SGCZ: variants seen among roughly 807,000 people sequenced by gnomAD.
SGCZ encodes sarcoglycan zeta.
Under a neutral mutation model 41.3 loss-of-function variants are expected in SGCZ, and 40 were observed. That is an observed-to-expected ratio of 0.97 (90% CI 0.75 to 1.26). The LOEUF is 1.26. SGCZ is among the 50% of genes most tolerant of loss of function. The pLI is 0.00. For missense variants in SGCZ, 552 were observed against 369.8 expected (o/e 1.49, Z -4.04); for synonymous variants, 206 against 137.5 (o/e 1.50, Z -3.49).
At chr8:14,389,919 G>A (rs762279050) in intron 2 of SGCZ, among the ~76,000 whole-genome samples, 2 of 151,946 alleles carry the variant, frequency 1.3e-5, no homozygotes, top group African/African-American at 2.4e-5. Flanking sequence ...ACTTCTCACA[G>A]TATGAAGTAA....
intron 1 of SGCZ, among the ~76,000 whole-genome samples, chr8:14,785,338 A>G (rs1183548047): frequency 6.6e-6 from 1 of 152,158 alleles, no homozygotes; most frequent in Non-Finnish European, 1.5e-5. Context: ...TAGCTAAAGA[A>G]TGTGAAATAT....
intron 1 of SGCZ, among the ~76,000 whole-genome samples, chr8:14,715,085 A>G (rs1035818500): frequency 2.0e-5 from 3 of 152,200 alleles, no homozygotes; most frequent in African/African-American, 7.2e-5. Context: ...CAAAAACAAA[A>G]CAAAAAGGGA....
chr8:14,222,342 G>C (rs879385814), intron 4 of SGCZ, among the ~76,000 whole-genome samples: 2 of 151,800 alleles, frequency 1.3e-5, no homozygotes, highest in African/African-American at 2.4e-5. Context: ...ACTAATTTTT[G>C]TATTTTTAGT....
chr8:14,567,677 T>C (rs1210621404), intron 1 of SGCZ, among the ~76,000 whole-genome samples: 1 of 152,150 alleles, frequency 6.6e-6, no homozygotes, highest in Non-Finnish European at 1.5e-5. Flanking sequence ...TTGCAATAAG[T>C]CTTGATACTG....
Position 14,089,592 on chromosome 8 carries a change from T to C in SGCZ, c.*851A>G, listed in dbSNP as rs1317278228. 6.6e-6 allele frequency among the ~76,000 whole-genome samples: 1 copy of C among 152,060 alleles called. No individual in the cohort carries two copies. Among genetic ancestry groups the C allele is most frequent in the Non-Finnish European group, 1.5e-5 (1 of 67,988 alleles). The stretch of plus-strand genomic sequence containing the variant: ...GCATGTGAATTTTTTAAAAATCATC[T>C]ATGGATTTAATACCATCAACATATC... On this transcript the variant is annotated 3_prime_UTR_variant, in exon 8 of 8. Transcript: ENST00000382080.
intron 1 of SGCZ, among the ~76,000 whole-genome samples, chr8:14,907,831 A>G (rs1289114750): frequency 6.6e-6 from 1 of 152,206 alleles, no homozygotes; most frequent in African/African-American, 2.4e-5. Context: ...TTTCAACCCT[A>G]CTATTAAAAC....
chr8:14,583,826 C>CAT (rs71818960), intron 1 of SGCZ, among the ~76,000 whole-genome samples: 6,341 of 150,948 alleles, frequency 0.042, 140 homozygotes, highest in Middle Eastern at 0.059. Flanking sequence ...TATGGCAAAA[C>CAT]ATATATATAT....
chr8:14,387,291 A>G (rs1344626783), intron 2 of SGCZ, among the ~76,000 whole-genome samples: 2 of 152,138 alleles, frequency 1.3e-5, no homozygotes, highest in African/African-American at 4.8e-5. Flanking sequence ...GCCTCAAGAA[A>G]TCCTCCCATC....
chr8:14,749,004 T>C (rs1203614378), intron 1 of SGCZ, among the ~76,000 whole-genome samples: 2 of 152,104 alleles, frequency 1.3e-5, no homozygotes, highest in African/African-American at 4.8e-5. Flanking sequence ...TAAATTTTGG[T>C]TAGCTTTTAT....
At chr8:14,272,652 G>C (rs1009462076) in intron 3 of SGCZ, among the ~76,000 whole-genome samples, 8 of 152,092 alleles carry the variant, frequency 5.3e-5, no homozygotes, top group East Asian at 1.9e-4. Flanking sequence ...CTGGTGTGTA[G>C]AATAAATTAT....
intron 1 of SGCZ, among the ~76,000 whole-genome samples, chr8:14,998,643 A>C (rs1263472450): frequency 6.6e-6 from 1 of 152,206 alleles, no homozygotes; most frequent in Non-Finnish European, 1.5e-5. Context: ...AAGCAAGAAG[A>C]GGAATTTTAC....
At chr8:15,054,917 G>A (rs866329142) in intron 1 of SGCZ, among the ~76,000 whole-genome samples, 1 of 149,612 alleles carries the variant, frequency 6.7e-6, no homozygotes, top group African/African-American at 2.5e-5. Flanking sequence ...AGTCAAAATT[G>A]TGCCACTGCA....
At chr8:14,208,738 TAATA>T (rs1805699765) in intron 4 of SGCZ, among the ~76,000 whole-genome samples, 1 of 152,218 alleles carries the variant, frequency 6.6e-6, no homozygotes, top group African/African-American at 2.4e-5. Context: ...AAACTTGACT[TAATA>T]ATTAAGTGGT....
chr8:14,091,171 C>CT (rs36005965), intron 7 of SGCZ, among the ~76,000 whole-genome samples: 2 of 151,196 alleles, frequency 1.3e-5, no homozygotes, highest in Admixed American at 6.6e-5. Context: ...TGAACTCATC[C>CT]TTTTTTATGG....
At chr8:14,206,476 A>G (rs988927068) in intron 4 of SGCZ, among the ~76,000 whole-genome samples, 1 of 152,204 alleles carries the variant, frequency 6.6e-6, no homozygotes, top group Non-Finnish European at 1.5e-5. Flanking sequence ...CTCCACATTT[A>G]TACAAAGAAA....
intron 2 of SGCZ, among the ~76,000 whole-genome samples, chr8:14,547,450 A>C (rs1287512981): frequency 1.3e-5 from 2 of 152,174 alleles, no homozygotes; most frequent in Admixed American, 1.3e-4. Flanking sequence ...GCACTAAATT[A>C]GAATTTCATA....
At chr8:14,306,494 T>G (rs2116985523) in intron 3 of SGCZ, among the ~76,000 whole-genome samples, 1 of 152,304 alleles carries the variant, frequency 6.6e-6, no homozygotes, top group Non-Finnish European at 1.5e-5. Context: ...TTTATCTCTT[T>G]GATAAACTCT....
intron 2 of SGCZ, among the ~76,000 whole-genome samples, chr8:14,535,473 A>G (rs1383826088): frequency 1.3e-5 from 2 of 151,920 alleles, no homozygotes; most frequent in Admixed American, 6.6e-5. Context: ...AGCAATGACA[A>G]TCTTTATTAT....
Position 14,256,518 on chromosome 8 carries a change from T to C in SGCZ, c.337-18839A>G, listed in dbSNP as rs550590640. On this transcript the variant is annotated intron_variant, in intron 3 of 7. Transcript: ENST00000382080. ...AAATCCCTCATATACATATATGATA[T>C]ATAAATCCTACTATGAGTTTTTGAT... is the stretch of plus-strand genomic sequence containing the variant. Among the ~76,000 whole-genome samples the C allele has an allele frequency of 4.2e-4, 64 of 151,966 alleles. 1 individual carries two copies. Among genetic ancestry groups the C allele is most frequent in the South Asian group, 1.9e-3 (9 of 4,782 alleles).
Sources: gnomAD v4.1 joint callset for allele counts (sites outside exome capture counted in the v4.1 genomes callset) on GRCh38, gnomAD v4.1.1 for gene constraint, MANE v1.5 for transcripts, NCBI Gene and HGNC (gene_info 2026-07-23, HGNC 2026-07-21) for gene names.